Variants in XPA observed in about 807,000 individuals in gnomAD.
The protein encoded by XPA is XPA, DNA damage recognition and repair factor.
In XPA, 27 loss-of-function variants were observed where a neutral mutation model predicts 35.7. The observed-to-expected ratio is 0.76, with a 90% CI of 0.56 to 1.04. The LOEUF (loss-of-function observed/expected upper bound fraction) is 1.04. Among genes scored for constraint, XPA ranks in the 50% least tolerant of loss-of-function variants. XPA has a pLI of 0.00. For synonymous variants in XPA, 133 were observed against 118.4 expected (o/e 1.12, Z -0.80); for missense variants, 354 against 342.7 (o/e 1.03, Z -0.26).
At chr9:97,681,775 T>C (rs1587741395) in intron 5 of XPA, among the ~76,000 whole-genome samples, 1 of 152,292 alleles carries the variant, frequency 6.6e-6, no homozygotes, top group African/African-American at 2.4e-5. Context: ...CTGTAATGTG[T>C]AACAGTCCTC....
chr9:97,671,227 T>G, downstream of XPA: 4 of 1,450,094 alleles, frequency 2.8e-6, no homozygotes, highest in South Asian at 4.8e-5. Flanking sequence ...TGTCAAGGTT[T>G]TTTTTGATAT....
the XPA span, chr9:97,664,577 G>A: frequency 5.2e-6 from 3 of 581,614 alleles, no homozygotes; most frequent in East Asian, 8.6e-5. Flanking sequence ...GGTAGGATTG[G>A]ACATGGCAAA....
At chr9:97,672,137 T>C (rs1363673900), downstream of XPA, 1 of 152,232 alleles carries the variant, frequency 6.6e-6, no homozygotes, top group Non-Finnish European at 1.5e-5. Context: ...ATAGTACTGA[T>C]GCTGAAATAA....
the XPA span, chr9:97,666,615 G>GT: frequency 1.8e-6 from 1 of 548,356 alleles, no homozygotes; most frequent in East Asian, 3.2e-5. Context: ...AGACCAATTT[G>GT]TAAGTATTGC....
intron 3 of XPA, among the ~76,000 whole-genome samples, chr9:97,688,133 T>A (rs1426446105): frequency 2.6e-5 from 4 of 152,246 alleles, no homozygotes; most frequent in Non-Finnish European, 5.9e-5. Flanking sequence ...AGGACTGTGT[T>A]CCTGATTATG....
chr9:97,688,646 G>A (rs781145926), intron 3 of XPA, among the ~76,000 whole-genome samples: 14 of 152,086 alleles, frequency 9.2e-5, no homozygotes, highest in South Asian at 2.1e-4. Context: ...CCACTGTGTC[G>A]GTGGGAAATG....
the XPA span, among the ~76,000 whole-genome samples, chr9:97,664,655 A>C: frequency 1.1e-4 from 17 of 152,190 alleles, no homozygotes. Flanking sequence ...GACACTCTTA[A>C]GTTGAATCAA....
chr9:97,689,150 C>T (rs768696383), intron 3 of XPA, among the ~76,000 whole-genome samples: 1 of 152,100 alleles, frequency 6.6e-6, no homozygotes, highest in African/African-American at 2.4e-5. Context: ...GAAGGCCCCA[C>T]TCCTCTGACC....
At chr9:97,684,067 A>T (rs1828630145) in intron 5 of XPA, among the ~76,000 whole-genome samples, 1 of 152,166 alleles carries the variant, frequency 6.6e-6, no homozygotes, top group Admixed American at 6.5e-5. Context: ...TCTTTTAGGG[A>T]TTCTGTGATA....
intron 5 of XPA, among the ~76,000 whole-genome samples, chr9:97,680,082 C>T (rs1300823524): frequency 2.0e-5 from 3 of 152,014 alleles, no homozygotes; most frequent in African/African-American, 7.2e-5. Context: ...CACCTGGATC[C>T]GACAAAAAGC....
downstream of XPA, among the ~76,000 whole-genome samples, chr9:97,674,142 C>CCT (rs1554698904): frequency 2.4e-4 from 36 of 151,658 alleles, no homozygotes; most frequent in African/African-American, 8.7e-4. Context: ...CCTTCCCCGC[C>CCT]CCCATAATGC....
intron 5 of XPA, 191 bp from the exon 6 acceptor site, chr9:97,675,778 G>A (rs762954875): frequency 5.9e-6 from 4 of 673,038 alleles, no homozygotes; most frequent in Non-Finnish European, 1.0e-5. Context: ...TACCTCACTA[G>A]TTCGGCCTGT....
downstream of XPA, chr9:97,669,932 C>G: frequency 1.8e-6 from 1 of 551,194 alleles, no homozygotes; most frequent in Non-Finnish European, 3.3e-6. Context: ...CCCGCCCCAC[C>G]TTTTTTTTGA....
chr9:97,681,427 CATAAAT>C (rs1349935951), intron 5 of XPA, among the ~76,000 whole-genome samples: 4 of 152,254 alleles, frequency 2.6e-5, no homozygotes, highest in Middle Eastern at 3.4e-3. Flanking sequence ...ACTCCAGAGT[CATAAAT>C]ATAACCACAG....
At chr9:97,672,803 G>A (rs1476467957), downstream of XPA, 1 of 157,152 alleles carries the variant, frequency 6.4e-6, no homozygotes, top group Non-Finnish European at 1.4e-5. Context: ...TTTTTCTTAT[G>A]ATTTTATTTT....
the XPA span, among the ~76,000 whole-genome samples, chr9:97,666,327 AGT>A: frequency 6.6e-6 from 1 of 152,222 alleles, no homozygotes; most frequent in Non-Finnish European, 1.5e-5. Context: ...TAATTGGCTG[AGT>A]GTGTGCTAGT....
the XPA span, among the ~76,000 whole-genome samples, chr9:97,668,550 T>C: frequency 6.6e-6 from 1 of 152,168 alleles, no homozygotes; most frequent in South Asian, 2.1e-4. Flanking sequence ...ACTGCTCAAA[T>C]GGTCAAATAG....
intron 3 of XPA, among the ~76,000 whole-genome samples, chr9:97,687,837 G>C (rs1263940591): frequency 6.6e-6 from 1 of 152,122 alleles, no homozygotes; most frequent in African/African-American, 2.4e-5. Context: ...TCAGGATATG[G>C]TGAACCTAGA....
In XPA at chr9:97,680,683, T is replaced by C. The variant is rs539103420; in HGVS notation, c.673+4240A>G. 7.2e-5 allele frequency among the ~76,000 whole-genome samples: 11 copies of C among 152,324 alleles called. No individual in the cohort carries two copies. In the South Asian group the frequency reaches 2.3e-3, roughly 32 times the overall value. On this transcript the variant is annotated intron_variant, in intron 5 of 5. Coordinates refer to ENST00000375128, the MANE Select transcript of XPA (RefSeq NM_000380.4). ...TAAAAAAAATTTAAGATAAATACTT[T>C]TTTCACATTACTTCATTTAACAACT...
Sources: allele counts gnomAD v4.1 joint callset (sites outside exome capture counted in the v4.1 genomes callset), GRCh38; gene constraint gnomAD v4.1.1; transcripts MANE v1.5; gene names NCBI Gene and HGNC (gene_info 2026-07-23, HGNC 2026-07-21).